Variants in SNTB1 observed in about 807,000 individuals in gnomAD.
SNTB1 encodes syntrophin beta 1, also known as beta-1-syntrophin.
Under a neutral mutation model 48.9 loss-of-function variants are expected in SNTB1, and 36 were observed. The observed-to-expected ratio is 0.74, with a 90% confidence interval of 0.56 to 0.97. The LOEUF is 0.97. Among genes scored for constraint, SNTB1 ranks in the 50% least tolerant of loss-of-function variants. The pLI is 0.00. For synonymous variants in SNTB1, 299 were observed against 294.6 expected (o/e 1.01, Z -0.15); for missense variants, 786 against 703.4 (o/e 1.12, Z -1.33).
chr8:120,560,182 T>C (rs1815628656), intron 4 of SNTB1, among the ~76,000 whole-genome samples: 1 of 152,192 alleles, frequency 6.6e-6, no homozygotes, highest in Non-Finnish European at 1.5e-5. Context: ...ATTTATATCT[T>C]CTAACCTCCT....
intron 1 of SNTB1, among the ~76,000 whole-genome samples, chr8:120,801,914 C>A (rs1408700856): frequency 6.6e-6 from 1 of 152,100 alleles, no homozygotes; most frequent in African/African-American, 2.4e-5. Flanking sequence ...AAATTCGAGA[C>A]CTGCAAGTTC....
chr8:120,557,854 A>C (rs1006290538), intron 4 of SNTB1, among the ~76,000 whole-genome samples: 1 of 152,200 alleles, frequency 6.6e-6, no homozygotes, highest in Admixed American at 6.5e-5. Context: ...TTTGCAAAGG[A>C]AAGTATACAC....
chr8:120,550,084 A>G (rs1815453602), intron 4 of SNTB1, among the ~76,000 whole-genome samples: 1 of 152,228 alleles, frequency 6.6e-6, no homozygotes, highest in South Asian at 2.1e-4. Context: ...TATCAGTAGA[A>G]TAAAGCATAT....
chr8:120,739,334 C>A (rs1221647488), intron 1 of SNTB1, among the ~76,000 whole-genome samples: 4 of 152,120 alleles, frequency 2.6e-5, no homozygotes, highest in South Asian at 2.1e-4. Flanking sequence ...ATTATTTGAG[C>A]CTTTCTGTGG....
intron 2 of SNTB1, among the ~76,000 whole-genome samples, chr8:120,668,004 T>A (rs1817701667): frequency 6.6e-6 from 1 of 152,238 alleles, no homozygotes; most frequent in Non-Finnish European, 1.5e-5. Flanking sequence ...AGTTTTTGCC[T>A]CAACTCTGTG....
At chr8:120,574,774 A>C (rs1020701761) in intron 4 of SNTB1, among the ~76,000 whole-genome samples, 1 of 152,098 alleles carries the variant, frequency 6.6e-6, no homozygotes, top group Non-Finnish European at 1.5e-5. Flanking sequence ...AAGACTATAA[A>C]CACATATGTC....
intron 1 of SNTB1, among the ~76,000 whole-genome samples, chr8:120,778,264 G>A (rs115816136): frequency 0.01 from 1,547 of 152,260 alleles, 30 homozygotes; most frequent in African/African-American, 0.035. Context: ...TACAAATAAT[G>A]TGAAATGGCT....
chr8:120,747,534 G>A lies in SNTB1; in HGVS notation c.572-53626C>T, dbSNP rs190170914. Among the ~76,000 whole-genome samples, 334 of 152,154 alleles carry A rather than the reference G, an allele frequency of 2.2e-3. 2 individuals are homozygous for A. The Middle Eastern group carries it at 0.051, about 23-fold the overall frequency. ...TCAAACTCCTGACCTCTATTGATCC[G>A]CCTGCCTCAGCCTCCGAAAGTGCGA... On this transcript the variant is annotated intron_variant, in intron 1 of 6. Transcript: ENST00000517992.
intron 1 of SNTB1, among the ~76,000 whole-genome samples, chr8:120,729,838 T>C (rs1245486561): frequency 1.3e-5 from 2 of 152,246 alleles, no homozygotes; most frequent in Admixed American, 6.5e-5. Context: ...ACACTCAGTT[T>C]GTTAGATGCA....
chr8:120,742,303 T>C (rs919031872), intron 1 of SNTB1, among the ~76,000 whole-genome samples: 3 of 152,196 alleles, frequency 2.0e-5, no homozygotes, highest in South Asian at 2.1e-4. Context: ...TGTGTTCCAT[T>C]GATTCTAAAA....
intron 1 of SNTB1, among the ~76,000 whole-genome samples, chr8:120,732,813 C>A (rs747848752): frequency 6.6e-6 from 1 of 152,122 alleles, no homozygotes; most frequent in Admixed American, 6.5e-5. Flanking sequence ...GCTGTGCACT[C>A]CAGCCCAGCC....
intron 2 of SNTB1, among the ~76,000 whole-genome samples, chr8:120,653,456 T>C (rs1587065499): frequency 1.3e-5 from 2 of 152,146 alleles, no homozygotes; most frequent in East Asian, 3.9e-4. Context: ...TGAAAACATC[T>C]GGAAGAAACC....
At chr8:120,706,783 T>A (rs1014003156) in intron 1 of SNTB1, among the ~76,000 whole-genome samples, 1 of 152,166 alleles carries the variant, frequency 6.6e-6, no homozygotes, top group Non-Finnish European at 1.5e-5. Context: ...TTATTCCAGG[T>A]GTAGCTTCAT....
At chr8:120,560,078 A>T (rs555600722) in intron 4 of SNTB1, among the ~76,000 whole-genome samples, 1 of 152,362 alleles carries the variant, frequency 6.6e-6, no homozygotes, top group South Asian at 2.1e-4. Flanking sequence ...ATCACTAACA[A>T]GTACCAAATT....
chr8:120,663,682 G>A (rs542873054), intron 2 of SNTB1, among the ~76,000 whole-genome samples: 7 of 152,066 alleles, frequency 4.6e-5, no homozygotes, highest in Non-Finnish European at 7.3e-5. Flanking sequence ...AGGAGGCAGC[G>A]TGAGGACCCA....
intron 3 of SNTB1, among the ~76,000 whole-genome samples, chr8:120,610,445 AC>A (rs1461930094): frequency 6.6e-6 from 1 of 152,020 alleles, no homozygotes; most frequent in Non-Finnish European, 1.5e-5. Flanking sequence ...TGATTTTGAA[AC>A]TTCTTAACTG....
chr8:120,678,869 G>T (rs1281239840), intron 2 of SNTB1, among the ~76,000 whole-genome samples: 1 of 152,064 alleles, frequency 6.6e-6, no homozygotes, highest in Admixed American at 6.5e-5. Context: ...CATCACTCAG[G>T]CTCCTCCCTC....
At chr8:120,713,658 A>C (rs1587109042) in intron 1 of SNTB1, among the ~76,000 whole-genome samples, 2 of 152,236 alleles carry the variant, frequency 1.3e-5, no homozygotes, top group African/African-American at 4.8e-5. Flanking sequence ...TGAACCTGGG[A>C]GGCGAAGCTT....
intron 1 of SNTB1, among the ~76,000 whole-genome samples, chr8:120,715,785 C>T (rs1021326370): frequency 6.6e-6 from 1 of 152,108 alleles, no homozygotes; most frequent in Non-Finnish European, 1.5e-5. Context: ...TGAGTGCGCC[C>T]TTTATTCGTG....
Sources: gnomAD v4.1 joint callset for allele counts (sites outside exome capture counted in the v4.1 genomes callset) on GRCh38, gnomAD v4.1.1 for gene constraint, MANE v1.5 for transcripts, NCBI Gene and HGNC (gene_info 2026-07-23, HGNC 2026-07-21) for gene names.